The following ALK variants were observed in gnomAD, a reference collection of about 807,000 sequenced individuals.
The protein encoded by ALK is ALK tyrosine kinase receptor.
A neutral mutation model predicts 163.1 loss-of-function variants in ALK; 74 were observed. The ratio of observed to expected loss-of-function variants is 0.45; its 90% CI spans 0.38 to 0.55. The LOEUF (loss-of-function observed/expected upper bound fraction) is 0.55. Among genes scored for constraint, ALK ranks in the 20% least tolerant of loss-of-function variants. ALK has a pLI of 0.00. For missense variants in ALK, 2,063 were observed against 2,105.3 expected, an observed-to-expected ratio of 0.98 and a Z score of 0.39; for synonymous variants, 960 against 843.2, an observed-to-expected ratio of 1.14 and a Z score of -2.40.
intron 24 of ALK, 79 bp from the exon 25 acceptor site, chr2:29,209,957 TC>T: frequency 8.6e-7 from 1 of 1,156,232 alleles, no homozygotes. Context: ...GGATTTTATC[TC>T]CAAGCTGAAG....
chr2:29,789,360 G>A (rs1381003927), intron 1 of ALK, among the ~76,000 whole-genome samples: 2 of 152,130 alleles, frequency 1.3e-5, no homozygotes, highest in African/African-American at 2.4e-5. Context: ...TAGCCAACCA[G>A]GCAGGCTATT....
At chr2:29,328,506 C>A (rs1667342853) in intron 5 of ALK, 25 bp from the exon 6 acceptor site, 1 of 1,613,936 alleles carries the variant, frequency 6.2e-7, no homozygotes, top group East Asian at 2.2e-5. Context: ...GACACACAAC[C>A]ATGGTAAGTT....
intron 1 of ALK, among the ~76,000 whole-genome samples, chr2:29,894,405 G>A (rs903592390): frequency 3.3e-5 from 5 of 152,060 alleles, no homozygotes; most frequent in Admixed American, 1.3e-4. Context: ...TGTGAAATGG[G>A]AAAAGCAATA....
chr2:29,387,216 G>A (rs1057087411), intron 4 of ALK, among the ~76,000 whole-genome samples: 19 of 152,120 alleles, frequency 1.2e-4, no homozygotes, highest in Non-Finnish European at 1.8e-4. Context: ...GGAGCTCTCC[G>A]GTTCCAGTTC....
intron 1 of ALK, among the ~76,000 whole-genome samples, chr2:29,718,975 G>A (rs1320281942): frequency 6.6e-6 from 1 of 152,208 alleles, no homozygotes; most frequent in East Asian, 1.9e-4. Context: ...AGCTCTTGCA[G>A]GTTCTGGTCT....
chr2:29,909,103 T>G (rs1667629166), intron 1 of ALK, among the ~76,000 whole-genome samples: 1 of 152,218 alleles, frequency 6.6e-6, no homozygotes, highest in African/African-American at 2.4e-5. Context: ...TAGTATGACC[T>G]AGATCCCAAA....
At chr2:29,608,573 G>A (rs895076242) in intron 3 of ALK, among the ~76,000 whole-genome samples, 10 of 152,180 alleles carry the variant, frequency 6.6e-5, no homozygotes, top group Admixed American at 2.6e-4. Flanking sequence ...GTAATGAACC[G>A]TGTGGACATA....
intron 8 of ALK, among the ~76,000 whole-genome samples, chr2:29,299,381 C>T (rs1432133604): frequency 6.6e-6 from 1 of 152,204 alleles, no homozygotes; most frequent in East Asian, 1.9e-4. Context: ...TTTCATCATT[C>T]AACAAATATT....
intron 4 of ALK, among the ~76,000 whole-genome samples, chr2:29,413,364 T>G (rs1251753798): frequency 6.6e-6 from 1 of 152,020 alleles, no homozygotes; most frequent in Admixed American, 6.6e-5. Context: ...TTTTTTTTTT[T>G]GAGATGGAGC....
At chr2:29,771,427 G>C (rs1681019594) in intron 1 of ALK, among the ~76,000 whole-genome samples, 1 of 152,152 alleles carries the variant, frequency 6.6e-6, no homozygotes, top group Non-Finnish European at 1.5e-5. Context: ...AAGATGATGA[G>C]TCTGAATGGC....
intron 3 of ALK, among the ~76,000 whole-genome samples, chr2:29,574,963 G>A (rs902389902): frequency 6.6e-6 from 1 of 152,140 alleles, no homozygotes; most frequent in African/African-American, 2.4e-5. Context: ...TACCTGCACG[G>A]CAACTTCAGA....
At chr2:29,804,767 C>G (rs763227080) in intron 1 of ALK, among the ~76,000 whole-genome samples, 1 of 152,162 alleles carries the variant, frequency 6.6e-6, no homozygotes, top group Non-Finnish European at 1.5e-5. Context: ...ATCTTGGATG[C>G]TAATCTGCCA....
intron 1 of ALK, among the ~76,000 whole-genome samples, chr2:29,904,067 T>C (rs1667478545): frequency 6.6e-6 from 1 of 152,210 alleles, no homozygotes; most frequent in Non-Finnish European, 1.5e-5. Flanking sequence ...TCACAACTCC[T>C]GGTCGAGAAC....
In ALK at chr2:29,836,517, A is replaced by G. The variant is rs191205087; in HGVS notation, c.667+83476T>C. On this transcript the variant is annotated intron_variant, in intron 1 of 28. Coordinates refer to ENST00000389048, the MANE Select transcript of ALK (RefSeq NM_004304.5). The stretch of plus-strand genomic sequence containing the variant: ...CTGACATATACCACTTCTGCTCACA[A>G]CTCCCTAGCCAGAGCTAATTTTGTG... Among the ~76,000 whole-genome samples the G allele has an allele frequency of 4.6e-5, 7 of 152,152 alleles. 2 individuals are homozygous for G. Among genetic ancestry groups the G allele is most frequent in the South Asian group, 2.1e-4 (1 of 4,814 alleles).
intron 1 of ALK, among the ~76,000 whole-genome samples, chr2:29,845,981 A>T (rs1244289454): frequency 6.6e-6 from 1 of 152,222 alleles, no homozygotes; most frequent in Non-Finnish European, 1.5e-5. Context: ...CTCATGAAGG[A>T]AGCCTTTTCC....
intron 9 of ALK, among the ~76,000 whole-genome samples, chr2:29,284,856 C>T (rs1181404431): frequency 5.3e-5 from 8 of 152,262 alleles, no homozygotes; most frequent in Non-Finnish European, 8.8e-5. Flanking sequence ...AGCCACCGGC[C>T]GCATCTCTTC....
rs146834183 is a variant in ALK at position 29,798,901 on chromosome 2, C to A, written c.668-81204G>T. ...GGTCATCGGTGTGATGGCGAGGACA[C>A]TGCATTTAGTCAGGGGCCTTGGCTC... On this transcript the variant is annotated intron_variant, in intron 1 of 28. Transcript: ENST00000389048. 7.1e-3 allele frequency among the ~76,000 whole-genome samples: 1,086 copies of A among 152,310 alleles called. 6 individuals carry two copies. Among genetic ancestry groups the A allele is most frequent in the Non-Finnish European group, 0.011 (780 of 68,032 alleles).
intron 1 of ALK, among the ~76,000 whole-genome samples, chr2:29,763,233 A>G (rs754841260): frequency 6.6e-6 from 1 of 152,186 alleles, no homozygotes. Flanking sequence ...TGAGAATAAT[A>G]GTATCTATCA....
intron 4 of ALK, among the ~76,000 whole-genome samples, chr2:29,394,442 T>A (rs1305087525): frequency 1.3e-5 from 2 of 152,206 alleles, no homozygotes. Context: ...TTAGGTCCCA[T>A]GCAAGCCACC....
Sources: gnomAD v4.1 joint callset for allele counts (sites outside exome capture counted in the v4.1 genomes callset) on GRCh38, gnomAD v4.1.1 for gene constraint, MANE v1.5 for transcripts, NCBI Gene and HGNC (gene_info 2026-07-23, HGNC 2026-07-21) for gene names.